REEP1: variants seen among roughly 807,000 people sequenced by gnomAD.
REEP1 encodes receptor accessory protein 1.
Under a neutral mutation model 40.3 loss-of-function variants are expected in REEP1, and 22 were observed. The ratio of observed to expected loss-of-function variants is 0.55; its 90% CI spans 0.39 to 0.78. The LOEUF is 0.78. REEP1 is among the 30% of genes least tolerant of loss of function. The probability of loss-of-function intolerance (pLI) is 0.00; values close to 1 mark genes in which losing one functional copy is unlikely to be tolerated. For missense variants in REEP1, 280 were observed against 361.1 expected (o/e 0.78, Z 1.82); for synonymous variants, 116 against 139.2 (o/e 0.83, Z 1.17).
intron 2 of REEP1, among the ~76,000 whole-genome samples, chr2:86,278,968 G>A (rs1034184869): frequency 2.6e-5 from 4 of 152,210 alleles, no homozygotes; most frequent in Non-Finnish European, 4.4e-5. Context: ...AGCTATAAAT[G>A]TCTTGAGCAA....
intron 5 of REEP1, chr2:86,251,438 A>C (rs988930017): frequency 5.3e-6 from 1 of 190,456 alleles, no homozygotes; most frequent in Non-Finnish European, 1.1e-5. Flanking sequence ...GGACCACTCA[A>C]CTTATTCTAG....
At chr2:86,330,000 G>A (rs1413774417) in intron 1 of REEP1, among the ~76,000 whole-genome samples, 1 of 152,180 alleles carries the variant, frequency 6.6e-6, no homozygotes, top group Non-Finnish European at 1.5e-5. Context: ...TATGGAGAGT[G>A]TAGTGAAAGC....
rs77093436 is a variant in REEP1 at position 86,297,571 on chromosome 2, A to G, written c.33-15329T>C. On this transcript the variant is annotated intron_variant, in intron 1 of 8. Transcript: ENST00000538924. Reference sequence around the variant, plus strand: ...GAGTTGGTACAAGCCCTGGTACCTAAAAGATGCAGGGATGCCACCTAGCTG... The same window carrying G: ...GAGTTGGTACAAGCCCTGGTACCTAGAAGATGCAGGGATGCCACCTAGCTG... 1,873 of 343,240 alleles carry G rather than the reference A, an allele frequency of 5.5e-3. 39 individuals carry two copies. Among genetic ancestry groups the G allele is most frequent in the African/African-American group, 0.039 (1,756 of 44,898 alleles). The allele number at this position is 343,240 out of a possible 1,614,324, so 21.3% of individuals were successfully genotyped here.
intron 1 of REEP1, among the ~76,000 whole-genome samples, chr2:86,292,471 A>G (rs937195510): frequency 6.6e-6 from 1 of 152,198 alleles, no homozygotes; most frequent in African/African-American, 2.4e-5. Context: ...TGTCATCACA[A>G]TAATTGTGAT....
chr2:86,249,656 G>T (rs1676161252), intron 5 of REEP1, among the ~76,000 whole-genome samples: 1 of 151,980 alleles, frequency 6.6e-6, no homozygotes, highest in African/African-American at 2.4e-5. Flanking sequence ...CAGGTGGCTT[G>T]GGCATGCAAG....
chr2:86,256,185 A>T (rs1184428877), intron 3 of REEP1, among the ~76,000 whole-genome samples: 1 of 149,084 alleles, frequency 6.7e-6, no homozygotes, highest in East Asian at 1.9e-4. Context: ...CGTCTCTACT[A>T]AAAAATACAA....
chr2:86,295,748 C>G (rs1678948917), intron 1 of REEP1, among the ~76,000 whole-genome samples: 1 of 152,186 alleles, frequency 6.6e-6, no homozygotes, highest in Non-Finnish European at 1.5e-5. Flanking sequence ...ACCGTGTTAG[C>G]CAGGATGGTC....
intron 2 of REEP1, chr2:86,280,087 G>A (rs1558910646): frequency 2.2e-6 from 1 of 455,192 alleles, no homozygotes; most frequent in Non-Finnish European, 4.4e-6. Flanking sequence ...TGGGGCGTGG[G>A]TGTGGGTGTG....
chr2:86,295,956 G>A (rs1030366923), intron 1 of REEP1, among the ~76,000 whole-genome samples: 5 of 152,194 alleles, frequency 3.3e-5, no homozygotes, highest in Admixed American at 3.3e-4. Context: ...ATAAAACTAG[G>A]TCACTAAGGA....
chr2:86,327,129 C>T (rs1346842772), intron 1 of REEP1, among the ~76,000 whole-genome samples: 1 of 152,224 alleles, frequency 6.6e-6, no homozygotes, highest in Non-Finnish European at 1.5e-5. Context: ...CAATCCTTCA[C>T]TGTTTTAACC....
intron 2 of REEP1, among the ~76,000 whole-genome samples, chr2:86,273,198 C>A (rs1221907035): frequency 6.6e-6 from 1 of 151,382 alleles, no homozygotes; most frequent in Non-Finnish European, 1.5e-5. Flanking sequence ...TAGTTTATAG[C>A]CTTCAATAGT....
Position 86,264,059 on chromosome 2 carries a change from A to C in REEP1, c.106-18T>G, listed in dbSNP as rs375657800. ...CATTTGACCTGTTGAAACAGAAAGC[A>C]ACACAGCTGGTAGAAAAGGTCCAGG... On this transcript the variant is annotated intron_variant, in intron 2 of 8. Transcript: ENST00000538924. 1.3e-6 allele frequency: 2 copies of C among 1,598,174 alleles called. No homozygotes were observed. The highest frequency in any genetic ancestry group is 1.3e-5 in the African/African-American group (1 of 74,602).
intron 3 of REEP1, 61 bp downstream of exon 3, chr2:86,263,904 C>T: frequency 7.9e-7 from 1 of 1,272,156 alleles, no homozygotes; most frequent in Non-Finnish European, 1.2e-6. Context: ...TTTCCCACCT[C>T]CCCCTGAGTG....
Position 86,337,488 on chromosome 2 carries a change from C to G in REEP1, c.23G>C (p.Arg8Thr). 1 of 1,303,122 alleles carries G rather than the reference C, an allele frequency of 7.7e-7. No homozygotes were observed. The allele number at this position is 1,303,122 out of a possible 1,614,324, so 80.7% of individuals were successfully genotyped here. The change falls in exon 1 of 9, where the codon AGG (arginine) becomes ACG (threonine). Residue 8 changes from arginine to threonine, a missense_variant. By Grantham distance (71) the Arg-to-Thr change is moderately conservative (BLOSUM62 -1). Around this residue, in one of 3 missense-constraint regions of REEP1, gnomAD observed 68 missense variants for 83.7 expected, o/e 0.81. Transcript: ENST00000538924. The surrounding 1 kb of genome is among the most constrained non-coding windows in gnomAD (Gnocchi z 5.8). The part of the protein sequence containing the change: MVSWIIS[R>T]LVVLIFGTLY... ...GGAGAAGGCCACTTACACCACCAGC[C>G]TGGAGATGATCCATGACACCATGGC...
Position 86,294,723 on chromosome 2 carries a change from T to TTAGATAGATAGATAGA in REEP1, c.33-12497_33-12482dup, listed in dbSNP as rs10674625. Among the ~76,000 whole-genome samples the TTAGATAGATAGATAGA allele has an allele frequency of 2.4e-3, 364 of 148,984 alleles. 1 individual carries two copies. The highest frequency in any genetic ancestry group is 3.3e-3 in the Non-Finnish European group (221 of 67,290). On this transcript the variant is annotated intron_variant, in intron 1 of 8. Transcript: ENST00000538924. ...TTAAAATGTTTCTGAGATTTATATT[T>TTAGATAGATAGATAGA]TAGATAGATAGATAGATAGATAGAT... is the stretch of plus-strand genomic sequence containing the variant.
chr2:86,283,500 C>G (rs956861171), intron 1 of REEP1, among the ~76,000 whole-genome samples: 1 of 152,116 alleles, frequency 6.6e-6, no homozygotes, highest in African/African-American at 2.4e-5. Context: ...TGAAGAAACC[C>G]AAAGCTGTAG....
chr2:86,241,382 C>G (rs1030164811), intron 5 of REEP1, among the ~76,000 whole-genome samples: 1 of 152,202 alleles, frequency 6.6e-6, no homozygotes, highest in Non-Finnish European at 1.5e-5. Context: ...CTGTGACTTA[C>G]GGTGACAGGT....
chr2:86,282,137 C>T (rs755289001), intron 2 of REEP1, 33 bp downstream of exon 2: 23 of 1,501,778 alleles, frequency 1.5e-5, no homozygotes, highest in Non-Finnish European at 2.1e-5. Context: ...CTGACTCCAG[C>T]CAACCCGCTC....
Position 86,337,507 on chromosome 2 carries a change from C to T in REEP1, c.4G>A (p.Val2Met), listed in dbSNP as rs898778508. 4 of 1,292,818 alleles carry T rather than the reference C, an allele frequency of 3.1e-6. No homozygotes were observed. The highest frequency in any genetic ancestry group is 3.3e-5 in the East Asian group (1 of 30,022). The allele number at this position is 1,292,818 out of a possible 1,614,324, so 80.1% of individuals were successfully genotyped here. A position where few individuals can be genotyped will look rare whatever the true frequency, so the allele number is the denominator to read the frequency against. ...ACCAGCCTGGAGATGATCCATGACA[C>T]CATGGCGGGCAGGCGGGCGGGCGAG... M[V>M]SWIISRLVVL... The change falls in exon 1 of 9, where the codon GTG (valine) becomes ATG (methionine). Residue 2 changes from valine to methionine, a missense_variant. By Grantham distance (21) the Val-to-Met change is conservative (BLOSUM62 1). Coordinates refer to ENST00000538924, the MANE Select transcript of REEP1 (RefSeq NM_001371279.1). The surrounding 1 kb of genome is among the most constrained non-coding windows in gnomAD (Gnocchi z 5.8).
Sources: allele counts gnomAD v4.1 joint callset (sites outside exome capture counted in the v4.1 genomes callset), GRCh38; gene constraint gnomAD v4.1.1; regional missense constraint gnomAD v4.1.1; non-coding constraint Gnocchi (gnomAD v3.1); transcripts MANE v1.5; gene names NCBI Gene and HGNC (gene_info 2026-07-23, HGNC 2026-07-21).